Variants in TOX2 observed in about 807,000 individuals in gnomAD.
TOX2 encodes the protein granulosa cell HMG box 1.
Under a neutral mutation model 47.4 loss-of-function variants are expected in TOX2, and 15 were observed. The ratio of observed to expected loss-of-function variants is 0.32; its 90% CI spans 0.21 to 0.49. The LOEUF (loss-of-function observed/expected upper bound fraction) is 0.49, where lower values mean the gene tolerates loss of function less well. Ranked by LOEUF, TOX2 falls within the 20% of genes least tolerant of loss-of-function variation. The probability of loss-of-function intolerance (pLI) is 0.99; values close to 1 mark genes in which losing one functional copy is unlikely to be tolerated. For synonymous variants in TOX2, 290 were observed against 296.6 expected (o/e 0.98, Z 0.23); for missense variants, 622 against 673.1 (o/e 0.92, Z 0.84).
rs566896492 is a variant in TOX2 at position 44,022,072 on chromosome 20, A to G, written c.411+15280A>G. 1.1e-4 allele frequency among the ~76,000 whole-genome samples: 17 copies of G among 152,352 alleles called. No individual in the cohort carries two copies. In the South Asian group the frequency reaches 1.9e-3, roughly 17 times the overall value. On this transcript the variant is annotated intron_variant, in intron 3 of 8. Coordinates refer to ENST00000341197, the MANE Select transcript of TOX2 (RefSeq NM_001098797.2). Reference sequence around the variant, plus strand: ...AGGCCCGTCACCCACACATGCGTCCACAGCACAAGTGAGCAATGGCCGGCC... The same window carrying G: ...AGGCCCGTCACCCACACATGCGTCCGCAGCACAAGTGAGCAATGGCCGGCC...
At chr20:43,993,569 C>T (rs2070409682) in intron 2 of TOX2, among the ~76,000 whole-genome samples, 1 of 152,148 alleles carries the variant, frequency 6.6e-6, no homozygotes, top group African/African-American at 2.4e-5. Context: ...AGGATGACCA[C>T]AAGCTCAGTT....
chr20:43,994,669 C>G (rs935986013), intron 2 of TOX2, among the ~76,000 whole-genome samples: 6 of 152,126 alleles, frequency 3.9e-5, no homozygotes, highest in Non-Finnish European at 8.8e-5. Context: ...AATCATGTAT[C>G]TTTCCAGAGC....
intron 5 of TOX2, among the ~76,000 whole-genome samples, chr20:44,058,437 A>G (rs1467652551): frequency 1.3e-5 from 2 of 152,078 alleles, no homozygotes; most frequent in African/African-American, 4.8e-5. Flanking sequence ...GTCTTTCTCT[A>G]CCTGCCCTGT....
At chr20:43,991,331 C>T (rs1402358582) in intron 2 of TOX2, among the ~76,000 whole-genome samples, 2 of 152,220 alleles carry the variant, frequency 1.3e-5, no homozygotes, top group African/African-American at 4.8e-5. Flanking sequence ...TGGTGCAGCA[C>T]TGAGCCCAAT....
intron 3 of TOX2, among the ~76,000 whole-genome samples, chr20:44,016,185 G>A (rs1023880461): frequency 2.6e-5 from 4 of 151,972 alleles, no homozygotes; most frequent in Admixed American, 6.6e-5. Flanking sequence ...CCTTGGTGCC[G>A]TTCCCTTCTC....
intron 1 of TOX2, among the ~76,000 whole-genome samples, chr20:43,931,032 A>G (rs2069245815): frequency 6.6e-6 from 1 of 152,118 alleles, no homozygotes; most frequent in Non-Finnish European, 1.5e-5. Context: ...AGTGTGGGGA[A>G]TCTCTGTCGT....
At chr20:43,940,310 G>A (rs2069385677) in intron 1 of TOX2, among the ~76,000 whole-genome samples, 1 of 151,954 alleles carries the variant, frequency 6.6e-6, no homozygotes, top group African/African-American at 2.4e-5. Context: ...TGAACTCCTG[G>A]GCTCAAGTGA....
At chr20:44,057,035 A>AAGTAGCTGGACTAC (rs1225428779) in intron 5 of TOX2, among the ~76,000 whole-genome samples, 1 of 152,178 alleles carries the variant, frequency 6.6e-6, no homozygotes, top group Non-Finnish European at 1.5e-5. Flanking sequence ...TCAGCTTCCC[A>AAGTAGCTGGACTAC]AGTAGCTGGA....
At chr20:44,037,165 G>A (rs573612619) in intron 3 of TOX2, among the ~76,000 whole-genome samples, 2 of 152,262 alleles carry the variant, frequency 1.3e-5, no homozygotes, top group South Asian at 4.1e-4. Flanking sequence ...TGTTGGTCAG[G>A]CTGGTCTTGA....
chr20:44,051,748 A>C (rs1225432844), intron 4 of TOX2, among the ~76,000 whole-genome samples: 2 of 152,188 alleles, frequency 1.3e-5, no homozygotes, highest in Non-Finnish European at 2.9e-5. Flanking sequence ...TTTTCTGTTA[A>C]GACCCCCAGG....
intron 3 of TOX2, chr20:44,039,045 C>T: frequency 8.0e-7 from 1 of 1,253,278 alleles, no homozygotes; most frequent in Non-Finnish European, 1.0e-6. Context: ...ACTTGGTTCC[C>T]AGACATCTCA....
At chr20:44,036,681 A>C (rs552860723) in intron 3 of TOX2, among the ~76,000 whole-genome samples, 94 of 152,378 alleles carry the variant, frequency 6.2e-4, no homozygotes, top group Admixed American at 2.0e-3. Flanking sequence ...ACACAGCCAC[A>C]GCCCTTCATT....
At chr20:43,980,500 G>C (rs1373266678) in intron 2 of TOX2, among the ~76,000 whole-genome samples, 2 of 152,188 alleles carry the variant, frequency 1.3e-5, no homozygotes. Flanking sequence ...ATAACTGAAA[G>C]AGTATAATTG....
chr20:43,970,290 C>T (rs755742146), intron 1 of TOX2, among the ~76,000 whole-genome samples: 5 of 152,312 alleles, frequency 3.3e-5, no homozygotes, highest in African/African-American at 1.2e-4. Flanking sequence ...ATTGGATCAT[C>T]GTGAGGATTA....
rs6031327 is a variant in TOX2 at position 44,051,518 on chromosome 20, G to A, written c.624G>A (p.Gln208=). 2.5e-6 allele frequency: 4 copies of A among 1,605,186 alleles called. No individual in the cohort carries two copies. Among genetic ancestry groups the A allele is most frequent in the Non-Finnish European group, 3.4e-6 (4 of 1,173,852 alleles). The stretch of plus-strand genomic sequence containing the variant: ...CCCCCTCTCCCTCCAGCTCCACTCA[G>A]GAAGAGGAGTCGGAAGTGCATTTCA... The part of the protein sequence containing the change: ...SATPSPSSST[Q]EEESEVHFKI... Residue 208 remains glutamine (Q), a synonymous_variant, in exon 4 of 9, where the codon CAG becomes CAA. Coordinates refer to ENST00000341197, the MANE Select transcript of TOX2 (RefSeq NM_001098797.2).
chr20:43,937,331 T>C (rs1231385615), intron 1 of TOX2, among the ~76,000 whole-genome samples: 1 of 152,136 alleles, frequency 6.6e-6, no homozygotes, highest in Non-Finnish European at 1.5e-5. Flanking sequence ...TTCCGTGCGA[T>C]GCAGTCTCAG....
In TOX2 at chr20:44,068,771, A is replaced by C; in HGVS notation, c.*85A>C. Reference sequence around the variant, plus strand: ...TGACAGCAGAAAAGAGGCCCTGGCCAGAGGCAGGGTGGCCCATCGGAGAGA... The same window carrying C: ...TGACAGCAGAAAAGAGGCCCTGGCCCGAGGCAGGGTGGCCCATCGGAGAGA... On this transcript the variant is annotated 3_prime_UTR_variant, in exon 9 of 9. Transcript: ENST00000341197. The C allele has an allele frequency of 6.3e-7, 1 of 1,575,816 alleles. No homozygotes were observed.
chr20:44,001,835 C>A (rs2070589501), intron 2 of TOX2, among the ~76,000 whole-genome samples: 1 of 152,164 alleles, frequency 6.6e-6, no homozygotes, highest in Non-Finnish European at 1.5e-5. Flanking sequence ...CTGGGACATT[C>A]CCCCATTTCC....
intron 2 of TOX2, among the ~76,000 whole-genome samples, chr20:43,981,907 G>T (rs1207738774): frequency 1.3e-5 from 2 of 151,774 alleles, no homozygotes; most frequent in Non-Finnish European, 2.9e-5. Context: ...CGAGCTCAAT[G>T]AGATGAAGAT....
Sources: gnomAD v4.1 joint callset for allele counts (sites outside exome capture counted in the v4.1 genomes callset) on GRCh38, gnomAD v4.1.1 for gene constraint, MANE v1.5 for transcripts, NCBI Gene and HGNC (gene_info 2026-07-23, HGNC 2026-07-21) for gene names.